The following PRIM1 variants were observed in gnomAD, a reference collection of about 807,000 sequenced individuals.
PRIM1 encodes DNA primase subunit 1, also known as DNA primase small subunit.
A neutral mutation model predicts 60.2 loss-of-function variants in PRIM1; 38 were observed. The observed-to-expected ratio is 0.63, with a 90% CI of 0.49 to 0.83. The LOEUF (loss-of-function observed/expected upper bound fraction) is 0.83. PRIM1 is among the 40% of genes least tolerant of loss of function. PRIM1 has a pLI of 0.00. For synonymous variants in PRIM1, 158 were observed against 160.2 expected, an observed-to-expected ratio of 0.99 and a Z score of 0.10; for missense variants, 388 against 506.2, an observed-to-expected ratio of 0.77 and a Z score of 2.24.
intron 6 of PRIM1, 83 bp downstream of exon 6, chr12:56,743,980 AGT>A (rs1953889699): frequency 1.1e-6 from 1 of 892,126 alleles, no homozygotes; most frequent in Non-Finnish European, 1.7e-6. Context: ...GCTACCCAGC[AGT>A]GAAAATTGAT....
intron 2 of PRIM1, among the ~76,000 whole-genome samples, chr12:56,749,329 C>A (rs867098688): frequency 2.0e-5 from 3 of 152,050 alleles, no homozygotes; most frequent in African/African-American, 7.2e-5. Context: ...TTTTTAAAAG[C>A]CGAATAGAAG....
intron 10 of PRIM1, among the ~76,000 whole-genome samples, chr12:56,738,796 C>T (rs879499218): frequency 3.3e-5 from 5 of 152,300 alleles, no homozygotes; most frequent in South Asian, 2.1e-4. Flanking sequence ...GTGATCCACG[C>T]GCTTTGCCCT....
intron 2 of PRIM1, among the ~76,000 whole-genome samples, chr12:56,748,541 C>T (rs948000439): frequency 1.3e-5 from 2 of 151,318 alleles, no homozygotes; most frequent in African/African-American, 2.4e-5. Flanking sequence ...GCAGGAGAAT[C>T]GCTTGAACCC....
Position 56,751,976 on chromosome 12 carries a change from T to G in PRIM1, c.103+220A>C, listed in dbSNP as rs1213768795. Among the ~76,000 whole-genome samples, 8 of 148,940 alleles carry G rather than the reference T, an allele frequency of 5.4e-5. No homozygotes were observed. The East Asian group carries it at 9.8e-4, about 18-fold the overall frequency. ...AGGAGCGGCGGCTCTGTTTTTTTTT[T>G]TTTTTTTTTTTTTTTTACAGCGTGG... On this transcript the variant is annotated intron_variant, in intron 1 of 12. Coordinates refer to ENST00000338193, the MANE Select transcript of PRIM1 (RefSeq NM_000946.3).
At chr12:56,748,126 G>A (rs892865754) in intron 2 of PRIM1, among the ~76,000 whole-genome samples, 1 of 152,202 alleles carries the variant, frequency 6.6e-6, no homozygotes, top group African/African-American at 2.4e-5. Context: ...GAAGACACCT[G>A]AATTATTTTC....
chr12:56,746,651 CACACACACACACACACACACACACAA>C lies in PRIM1; in HGVS notation c.442+104_442+129del, dbSNP rs1441444371. ...TCACACACACACACACACACACACA[CACACACACACACACACACACACACAA>C]ATTAATGAGATTTGATCACAAAATA... On this transcript the variant is annotated intron_variant, in intron 4 of 12. Coordinates refer to ENST00000338193, the MANE Select transcript of PRIM1 (RefSeq NM_000946.3). The C allele has an allele frequency of 9.1e-5, 66 of 721,942 alleles. No individual in the cohort carries two copies. The East Asian group carries it at 1.0e-3, about 11-fold the overall frequency. The allele number at this position is 721,942 out of a possible 1,614,324, so 44.7% of individuals were successfully genotyped here.
chr12:56,751,331 G>C, intron 1 of PRIM1, 136 bp from the exon 2 acceptor site: 1 of 592,794 alleles, frequency 1.7e-6, no homozygotes, highest in Non-Finnish European at 2.7e-6. Context: ...CCAGACTGGA[G>C]TGCAGTGGCT....
chr12:56,746,486 C>A (rs562627665), intron 4 of PRIM1: 1 of 564,242 alleles, frequency 1.8e-6, no homozygotes, highest in Non-Finnish European at 3.2e-6. Context: ...CAAAAATTAA[C>A]TGGGCGTGGT....
Position 56,744,069 on chromosome 12 carries a change from TA to T in PRIM1, c.633del (p.Phe211LeufsTer6). 2 of 1,570,350 alleles carry T rather than the reference TA, an allele frequency of 1.3e-6. No homozygotes were observed. Among genetic ancestry groups the T allele is most frequent in the Non-Finnish European group, 1.7e-6 (2 of 1,154,858 alleles). On this transcript the variant is annotated frameshift_variant, in exon 6 of 13. Coordinates refer to ENST00000338193, the MANE Select transcript of PRIM1 (RefSeq NM_000946.3). LOFTEE classifies it high-confidence loss of function. ...TTGGAGACTTTTCCAACAGACCTGA[TA>T]AAAGGGTGAATTTTTTCACTTAGGT... is the stretch of plus-strand genomic sequence containing the variant. ...KVHLSEKIHPFIRKSINIIKK... is the reference protein window; with the variant it reads ...KVHLSEKIHPXIRKSINIIKK...
At chr12:56,738,139 T>C (rs1953846652) in intron 11 of PRIM1, among the ~76,000 whole-genome samples, 1 of 152,236 alleles carries the variant, frequency 6.6e-6, no homozygotes, top group South Asian at 2.1e-4. Context: ...TATATAATAG[T>C]TGTTAAATAA....
intron 10 of PRIM1, among the ~76,000 whole-genome samples, chr12:56,739,012 T>C (rs560004519): frequency 1.3e-5 from 2 of 152,230 alleles, no homozygotes; most frequent in Non-Finnish European, 2.9e-5. Flanking sequence ...CATATTATCA[T>C]ATGAAAGACT....
At position 56,740,569 on chromosome 12, in the gene PRIM1, CAA is replaced by C. The variant is rs1268142056; in HGVS notation, c.982+864_982+865del. Among the ~76,000 whole-genome samples, 10 of 152,104 alleles carry C rather than the reference CAA, an allele frequency of 6.6e-5. No homozygotes were observed. In the East Asian group the frequency reaches 1.9e-3, roughly 30 times the overall value. On this transcript the variant is annotated intron_variant, in intron 9 of 12. Coordinates refer to ENST00000338193, the MANE Select transcript of PRIM1 (RefSeq NM_000946.3). ...CTGGGGCAGGTGAATTGCTTGAGCT[CAA>C]GAGTTCAAGACCAACCTGGGCAACA...
chr12:56,735,814 A>T (rs965246077), intron 11 of PRIM1, among the ~76,000 whole-genome samples: 1 of 150,768 alleles, frequency 6.6e-6, no homozygotes. Flanking sequence ...CGACGCCCAG[A>T]TAATTTTTGT....
rs369694686 is a variant in PRIM1, at chr12:56,746,723, T to G, written c.442+58A>C. The G allele has an allele frequency of 3.0e-4, 431 of 1,448,440 alleles. 8 individuals carry two copies. In the African/African-American group the frequency reaches 5.5e-3, roughly 19 times the overall value. The allele number at this position is 1,448,440 out of a possible 1,614,324, so 89.7% of individuals were successfully genotyped here. ...AAATACAGAGACTAATAGTTAATAG[T>G]AGTCAGAGGAAAACCGATTCTTACA... On this transcript the variant is annotated intron_variant, in intron 4 of 12. Transcript: ENST00000338193.
In PRIM1 at chr12:56,743,036, A is replaced by ATT; in HGVS notation, c.698_699insAA (p.Leu234IlefsTer12). ...TATCCCAGCTTTCTTTATTTTCGAG[A>ATT]ATATCTTGATTAACCAAGGCATATT... On this transcript the variant is annotated frameshift_variant, in exon 7 of 13. Transcript: ENST00000338193. LOFTEE classifies it high-confidence loss of function. 6.5e-7 allele frequency: 1 copy of ATT among 1,543,088 alleles called. No individual in the cohort carries two copies. The highest frequency in any genetic ancestry group is 8.7e-7 in the Non-Finnish European group (1 of 1,147,160).
rs1315455861 is a variant in PRIM1, at chr12:56,741,526, C to T, written c.891G>A (p.Met297Ile). 1 of 1,613,274 alleles carries T rather than the reference C, an allele frequency of 6.2e-7. No individual in the cohort carries two copies. The highest frequency in any genetic ancestry group is 1.7e-5 in the Admixed American group (1 of 59,952). Residue 297 changes from methionine (M) to isoleucine (I), a missense_variant, in exon 9 of 13, where the codon ATG becomes ATA. Coordinates refer to ENST00000338193, the MANE Select transcript of PRIM1 (RefSeq NM_000946.3). ...KYGPWLEWEI[M>I]LQYCFPRLDI... ...CCAGCCGTGGAAAACAGTACTGGAG[C>T]ATAATCTCCCACTCCAGCCAGGGTC...
intron 5 of PRIM1, among the ~76,000 whole-genome samples, chr12:56,745,068 CT>C (rs1215817600): frequency 6.7e-6 from 1 of 149,464 alleles, no homozygotes; most frequent in Non-Finnish European, 1.5e-5. Flanking sequence ...GATAGCGCCA[CT>C]GCACTCCAGC....
intron 11 of PRIM1, among the ~76,000 whole-genome samples, chr12:56,735,995 T>C (rs1953825400): frequency 6.6e-6 from 1 of 151,688 alleles, no homozygotes; most frequent in African/African-American, 2.4e-5. Context: ...AAAAAATGTA[T>C]ACAACAAAAA....
At chr12:56,736,477 G>C (rs1265271702) in intron 11 of PRIM1, among the ~76,000 whole-genome samples, 1 of 149,972 alleles carries the variant, frequency 6.7e-6, no homozygotes, top group Non-Finnish European at 1.5e-5. Context: ...CCTCATAATA[G>C]TTCTTTAAAA....
Sources: allele counts gnomAD v4.1 joint callset (sites outside exome capture counted in the v4.1 genomes callset), GRCh38; gene constraint gnomAD v4.1.1; transcripts MANE v1.5; gene names NCBI Gene and HGNC (gene_info 2026-07-23, HGNC 2026-07-21).